The following STPG4 variants were observed in gnomAD, a reference collection of about 807,000 sequenced individuals.
The protein encoded by STPG4 is sperm-tail PG-rich repeat containing 4.
A neutral mutation model predicts 31.5 loss-of-function variants in STPG4; 41 were observed. That is an observed-to-expected ratio of 1.30 (90% CI 1.01 to 1.69). STPG4 has a LOEUF of 1.69. Ranked by LOEUF, STPG4 falls within the 40% of genes most tolerant of loss-of-function variation. STPG4 has a pLI of 0.00. For missense variants in STPG4, 375 were observed against 293.4 expected (o/e 1.28, Z -2.03); for synonymous variants, 141 against 103.0 (o/e 1.37, Z -2.24).
chr2:47,147,209 G>C (rs571652026), intron 3 of STPG4, among the ~76,000 whole-genome samples: 1 of 152,172 alleles, frequency 6.6e-6, no homozygotes, highest in East Asian at 1.9e-4. Flanking sequence ...AGTCCATTCA[G>C]TGCCCATCAG....
chr2:47,099,211 A>G (rs1386674523), intron 5 of STPG4, among the ~76,000 whole-genome samples: 1 of 142,046 alleles, frequency 7.0e-6, no homozygotes, highest in Non-Finnish European at 1.6e-5. Context: ...GTAGGTGTTC[A>G]CTGCCTCATC....
chr2:47,109,996 C>T (rs1257413813), intron 5 of STPG4, among the ~76,000 whole-genome samples: 1 of 144,920 alleles, frequency 6.9e-6, no homozygotes. Flanking sequence ...CTTTATAGGC[C>T]TGTCAGGTTT....
At chr2:47,111,026 A>ATTTC (rs1201173379) in intron 5 of STPG4, among the ~76,000 whole-genome samples, 1 of 152,220 alleles carries the variant, frequency 6.6e-6, no homozygotes, top group Non-Finnish European at 1.5e-5. Context: ...ATAGGTGAAT[A>ATTTC]TTTCTGTATT....
chr2:47,118,290 C>T lies in STPG4; in HGVS notation c.519+11651G>A, dbSNP rs1233510026. 2.6e-5 allele frequency among the ~76,000 whole-genome samples: 4 copies of T among 152,220 alleles called. No homozygotes were observed. The East Asian group carries it at 7.7e-4, about 29-fold the overall frequency. On this transcript the variant is annotated intron_variant, in intron 5 of 6. Coordinates refer to ENST00000445927, the MANE Select transcript of STPG4 (RefSeq NM_001163561.2). ...ATAGGAGCAGGAACCCTATTGTGAA[C>T]CGCACATGCAAGGGATCTAGGTTGT...
At position 47,087,004 on chromosome 2, in the gene STPG4, C is replaced by A; in HGVS notation, c.*4G>T. The A allele has an allele frequency of 6.4e-7, 1 of 1,551,616 alleles. No homozygotes were observed. The highest frequency in any genetic ancestry group is 1.2e-5 in the South Asian group (1 of 84,036). ...TCAAAGTAGAGCTTGGTGCCAAGAT[C>A]ACTTTATTTTAAAAGCCAATTGTTG... is the stretch of plus-strand genomic sequence containing the variant. On this transcript the variant is annotated 3_prime_UTR_variant, in exon 7 of 7. Transcript: ENST00000445927.
chr2:47,126,758 T>C (rs1172817110), intron 5 of STPG4, among the ~76,000 whole-genome samples: 1 of 152,210 alleles, frequency 6.6e-6, no homozygotes, highest in Non-Finnish European at 1.5e-5. Flanking sequence ...TATTTATCCT[T>C]CACATTTTAA....
intron 5 of STPG4, among the ~76,000 whole-genome samples, chr2:47,117,553 G>A (rs181284913): frequency 1.4e-4 from 22 of 152,272 alleles, no homozygotes; most frequent in Non-Finnish European, 2.4e-4. Flanking sequence ...AATTTGGGGC[G>A]CCATGTTTCA....
intron 5 of STPG4, among the ~76,000 whole-genome samples, chr2:47,112,093 T>G (rs1420062225): frequency 1.3e-5 from 2 of 152,214 alleles, no homozygotes; most frequent in Non-Finnish European, 2.9e-5. Flanking sequence ...AAAAACTAAG[T>G]AGTAATCTGA....
intron 3 of STPG4, among the ~76,000 whole-genome samples, chr2:47,141,291 T>C (rs2103794853): frequency 6.7e-6 from 1 of 149,334 alleles, no homozygotes; most frequent in Non-Finnish European, 1.5e-5. Context: ...CAGATTTCTT[T>C]AAGGTCTGAG....
intron 5 of STPG4, among the ~76,000 whole-genome samples, chr2:47,123,007 G>GT (rs1422877331): frequency 6.6e-6 from 1 of 151,982 alleles, no homozygotes; most frequent in Non-Finnish European, 1.5e-5. Context: ...TGTATTTTTA[G>GT]TAGAGACGGG....
chr2:47,147,631 A>G (rs1686849392), intron 3 of STPG4, among the ~76,000 whole-genome samples: 1 of 152,154 alleles, frequency 6.6e-6, no homozygotes, highest in African/African-American at 2.4e-5. Flanking sequence ...AAGATCATCT[A>G]TGTGTGTGTT....
chr2:47,154,384 G>C (rs1469309887), intron 1 of STPG4, among the ~76,000 whole-genome samples: 3 of 152,136 alleles, frequency 2.0e-5, no homozygotes, highest in Non-Finnish European at 4.4e-5. Flanking sequence ...CCCTACCCCA[G>C]AATAAGGAAA....
At chr2:47,105,568 G>A (rs780837533) in intron 5 of STPG4, among the ~76,000 whole-genome samples, 7 of 152,004 alleles carry the variant, frequency 4.6e-5, no homozygotes, top group South Asian at 2.1e-4. Context: ...CCAGACTTAC[G>A]CTGCCTGAGA....
rs115770235 is a variant in STPG4, at chr2:47,088,742, C to T, written c.624+1528G>A. 7.1e-3 allele frequency among the ~76,000 whole-genome samples: 1,077 copies of T among 152,318 alleles called. 16 individuals are homozygous for T. Among genetic ancestry groups the T allele is most frequent in the African/African-American group, 0.025 (1,039 of 41,562 alleles). On this transcript the variant is annotated intron_variant, in intron 6 of 6. Coordinates refer to ENST00000445927, the MANE Select transcript of STPG4 (RefSeq NM_001163561.2). ...CAGAGCACATGAGATCAGCTGCCTGCAGAAACCGCTTTAAATGACAGGATG... is the reference window on the plus strand; with the variant it reads ...CAGAGCACATGAGATCAGCTGCCTGTAGAAACCGCTTTAAATGACAGGATG...
intron 3 of STPG4, among the ~76,000 whole-genome samples, chr2:47,146,463 C>A (rs1686821951): frequency 6.6e-6 from 1 of 151,838 alleles, no homozygotes; most frequent in Admixed American, 6.6e-5. Flanking sequence ...CAATGGCTCA[C>A]TCCTGTAATC....
chr2:47,131,023 G>A (rs1481530118), intron 3 of STPG4, among the ~76,000 whole-genome samples: 6 of 148,266 alleles, frequency 4.0e-5, no homozygotes, highest in African/African-American at 1.0e-4. Context: ...TATGTTGCCC[G>A]GGCTGGTCTT....
At chr2:47,092,530 A>T (rs1350999954) in intron 5 of STPG4, among the ~76,000 whole-genome samples, 2 of 136,028 alleles carry the variant, frequency 1.5e-5, no homozygotes, top group African/African-American at 5.4e-5. Context: ...CCAAGAAAAG[A>T]AAAGGGGAGG....
At chr2:47,148,199 G>A (rs1185606988) in intron 3 of STPG4, among the ~76,000 whole-genome samples, 9 of 151,936 alleles carry the variant, frequency 5.9e-5, no homozygotes, top group African/African-American at 2.2e-4. Context: ...CACCTGCCTC[G>A]GCCTCCCAAA....
intron 5 of STPG4, among the ~76,000 whole-genome samples, chr2:47,099,368 G>A (rs964984638): frequency 6.6e-6 from 1 of 152,242 alleles, no homozygotes. Flanking sequence ...CCAGGTGTGA[G>A]AGCTGCCCTG....
Sources: gnomAD v4.1 joint callset for allele counts (sites outside exome capture counted in the v4.1 genomes callset) on GRCh38, gnomAD v4.1.1 for gene constraint, MANE v1.5 for transcripts, NCBI Gene and HGNC (gene_info 2026-07-23, HGNC 2026-07-21) for gene names.